The following CTNNA2 variants were observed in gnomAD, a reference collection of about 807,000 sequenced individuals.
The protein encoded by CTNNA2 is catenin alpha 2.
Under a neutral mutation model 101.0 loss-of-function variants are expected in CTNNA2, and 42 were observed. That is an observed-to-expected ratio of 0.42 (90% confidence interval 0.32 to 0.54). CTNNA2 has a LOEUF of 0.54. Among genes scored for constraint, CTNNA2 ranks in the 20% least tolerant of loss-of-function variants. The probability of loss-of-function intolerance (pLI) is 0.14; values close to 1 mark genes in which losing one functional copy is unlikely to be tolerated. For synonymous variants in CTNNA2, 450 were observed against 456.4 expected (o/e 0.99, Z 0.18); for missense variants, 871 against 1,223.1 (o/e 0.71, Z 4.29).
rs566149486 is a variant in CTNNA2 at position 80,470,508 on chromosome 2, G to A, written c.1290+50907G>A. Among the ~76,000 whole-genome samples the A allele has an allele frequency of 2.5e-4, 38 of 152,210 alleles. 1 individual carries two copies. Among genetic ancestry groups the A allele is most frequent in the South Asian group, 8.3e-4 (4 of 4,810 alleles). On this transcript the variant is annotated intron_variant, in intron 9 of 18. Coordinates refer to ENST00000402739, the MANE Select transcript of CTNNA2 (RefSeq NM_001282597.3). The stretch of plus-strand genomic sequence containing the variant: ...GTCATGAGTAAGCCTGCGGAAAACA[G>A]CAGTGTCCCCTACACCCAGCTCTCC...
At chr2:79,838,359 G>A (rs1020232448) in intron 3 of CTNNA2, among the ~76,000 whole-genome samples, 27 of 152,220 alleles carry the variant, frequency 1.8e-4, no homozygotes, top group African/African-American at 5.3e-4. Flanking sequence ...GTAGGAGGGT[G>A]GAGGGTAAAG....
At chr2:80,520,145 G>A (rs571739282) in intron 9 of CTNNA2, among the ~76,000 whole-genome samples, 311 of 152,214 alleles carry the variant, frequency 2.0e-3, no homozygotes, top group Non-Finnish European at 3.3e-3. Flanking sequence ...TCCAAAGTGA[G>A]GTGTGAGACC....
chr2:79,731,192 A>G (rs1005541556), intron 2 of CTNNA2, among the ~76,000 whole-genome samples: 1 of 152,054 alleles, frequency 6.6e-6, no homozygotes, highest in Non-Finnish European at 1.5e-5. Flanking sequence ...CTTAGTAGGA[A>G]CAAATACTAG....
rs150460205 is a variant in CTNNA2 at position 80,018,661 on chromosome 2, G to T, written c.1056+108864G>T. Among the ~76,000 whole-genome samples the T allele has an allele frequency of 2.8e-3, 425 of 151,936 alleles. 2 individuals are homozygous for T. The highest frequency in any genetic ancestry group is 9.6e-3 in the African/African-American group (398 of 41,456). On this transcript the variant is annotated intron_variant, in intron 7 of 18. Transcript: ENST00000402739. ...CCGGGCGTGGTGGCACGTGCCTGTA[G>T]TCCCAGCTACTCGGGAGGCTGAGGC...
chr2:80,107,133 T>C (rs1054976801), intron 7 of CTNNA2, among the ~76,000 whole-genome samples: 1 of 152,174 alleles, frequency 6.6e-6, no homozygotes, highest in Non-Finnish European at 1.5e-5. Flanking sequence ...AGTCCCACCT[T>C]CCAGCCGTAA....
At chr2:80,418,515 A>G (rs1385906654) in intron 8 of CTNNA2, among the ~76,000 whole-genome samples, 3 of 152,202 alleles carry the variant, frequency 2.0e-5, no homozygotes, top group Admixed American at 6.5e-5. Flanking sequence ...ACATACTTTC[A>G]TTGCATACGT....
Position 80,442,266 on chromosome 2 carries a change from C to G in CTNNA2, c.1290+22665C>G, listed in dbSNP as rs1439109864. On this transcript the variant is annotated intron_variant, in intron 9 of 18. Coordinates refer to ENST00000402739, the MANE Select transcript of CTNNA2 (RefSeq NM_001282597.3). ...GGCATTCATGAGTCTATTCTCAAAG[C>G]TCCCAGTTAATTGATGTGTTCTGCT... Among the ~76,000 whole-genome samples, 16 of 152,180 alleles carry G rather than the reference C, an allele frequency of 1.1e-4. 1 individual carries two copies. The highest frequency in any genetic ancestry group is 5.9e-5 in the Non-Finnish European group (4 of 68,032).
At chr2:79,875,814 C>T (rs979689608) in intron 6 of CTNNA2, among the ~76,000 whole-genome samples, 2 of 151,924 alleles carry the variant, frequency 1.3e-5, no homozygotes, top group Middle Eastern at 3.4e-3. Flanking sequence ...TAATTTTATT[C>T]ACAAAATTGC....
intron 2 of CTNNA2, among the ~76,000 whole-genome samples, chr2:79,287,406 A>G (rs943702918): frequency 2.0e-5 from 3 of 151,978 alleles, no homozygotes; most frequent in Admixed American, 1.3e-4. Context: ...TTGGTCTTTG[A>G]CGATGGTGAT....
intron 1 of CTNNA2, among the ~76,000 whole-genome samples, chr2:79,585,700 A>C (rs1175797784): frequency 6.6e-6 from 1 of 152,058 alleles, no homozygotes; most frequent in African/African-American, 2.4e-5. Context: ...CCTGCACTCC[A>C]TGCTGGCTTC....
At chr2:79,564,978 A>C (rs1163846810) in intron 1 of CTNNA2, among the ~76,000 whole-genome samples, 1 of 152,136 alleles carries the variant, frequency 6.6e-6, no homozygotes, top group Non-Finnish European at 1.5e-5. Context: ...AGTAAACTCC[A>C]TAAGGGTATG....
chr2:80,423,406 C>T (rs949274396), intron 9 of CTNNA2, among the ~76,000 whole-genome samples: 1 of 152,090 alleles, frequency 6.6e-6, no homozygotes, highest in Non-Finnish European at 1.5e-5. Flanking sequence ...GTCCAATATA[C>T]TCAAAACTTA....
intron 3 of CTNNA2, among the ~76,000 whole-genome samples, chr2:79,358,444 T>G (rs1677556384): frequency 6.6e-6 from 1 of 152,098 alleles, no homozygotes; most frequent in South Asian, 2.1e-4. Flanking sequence ...AGGTGATTCA[T>G]CTGCCTCGGC....
At chr2:79,852,919 T>G (rs1221381762) in intron 3 of CTNNA2, among the ~76,000 whole-genome samples, 1 of 151,782 alleles carries the variant, frequency 6.6e-6, no homozygotes, top group Non-Finnish European at 1.5e-5. Flanking sequence ...CCGGGCTGGA[T>G]GCAATGGTGA....
chr2:79,198,111 CT>C (rs1466674295), intron 2 of CTNNA2: 2 of 152,086 alleles, frequency 1.3e-5, no homozygotes, highest in Non-Finnish European at 2.9e-5. Flanking sequence ...CACATGGAGA[CT>C]GGGATTCAGA....
chr2:80,103,398 GC>G (rs1194600311), intron 7 of CTNNA2, among the ~76,000 whole-genome samples: 1 of 152,018 alleles, frequency 6.6e-6, no homozygotes, highest in Admixed American at 6.6e-5. Context: ...CTAAGTTAAG[GC>G]CCCACCCTAA....
chr2:79,669,074 AATACTG>A, intron 2 of CTNNA2, among the ~76,000 whole-genome samples: 1 of 152,312 alleles, frequency 6.6e-6, no homozygotes, highest in South Asian at 2.1e-4. Context: ...TCTACTGACA[AATACTG>A]ATTCCAGTTG....
intron 12 of CTNNA2, among the ~76,000 whole-genome samples, chr2:80,571,598 TTG>T (rs1694602409): frequency 6.6e-6 from 1 of 152,196 alleles, no homozygotes; most frequent in Admixed American, 6.5e-5. Context: ...CAGTTTTCAT[TTG>T]TGTATTTAAA....
intron 7 of CTNNA2, among the ~76,000 whole-genome samples, chr2:80,065,827 A>G (rs1697949806): frequency 6.6e-6 from 1 of 152,246 alleles, no homozygotes; most frequent in Non-Finnish European, 1.5e-5. Context: ...CTAGCATACC[A>G]TAGCTCTCTT....
Sources: allele counts gnomAD v4.1 joint callset (sites outside exome capture counted in the v4.1 genomes callset), GRCh38; gene constraint gnomAD v4.1.1; transcripts MANE v1.5; gene names NCBI Gene and HGNC (gene_info 2026-07-23, HGNC 2026-07-21).